The following MRPL43 variants were observed in gnomAD, a reference collection of about 807,000 sequenced individuals.
MRPL43 encodes the protein large ribosomal subunit protein mL43.
In MRPL43, 9 loss-of-function variants were observed where a neutral mutation model predicts 12.7. The observed-to-expected ratio is 0.71, with a 90% confidence interval of 0.43 to 1.24. The LOEUF (loss-of-function observed/expected upper bound fraction) is 1.24, where lower values mean the gene tolerates loss of function less well. MRPL43 is among the 50% of genes most tolerant of loss of function. The probability of loss-of-function intolerance (pLI) is 0.00; values close to 1 mark genes in which losing one functional copy is unlikely to be tolerated. For missense variants in MRPL43, 211 were observed against 229.2 expected, an observed-to-expected ratio of 0.92 and a Z score of 0.51; for synonymous variants, 116 against 96.4, an observed-to-expected ratio of 1.20 and a Z score of -1.19.
rs878856344 is a variant in MRPL43, at chr10:100,987,078, G to A, written c.238+12C>T. On this transcript the variant is annotated intron_variant, in intron 2 of 2. Transcript: ENST00000318364. ...TGATCCCGCCCTCCAGCCCGAGCCC[G>A]GCCCCACTCACGGTATTCGGCCACT... 4 of 1,612,708 alleles carry A rather than the reference G, an allele frequency of 2.5e-6. No homozygotes were observed. The highest frequency in any genetic ancestry group is 1.1e-5 in the South Asian group (1 of 91,076).
At chr10:100,978,295 G>C, downstream of MRPL43, 1 of 1,611,804 alleles carries the variant, frequency 6.2e-7, no homozygotes, top group Non-Finnish European at 8.5e-7. Context: ...TGTTCCCTAG[G>C]ATGCTGAGGC....
chr10:100,977,965 C>T (rs1369779419), downstream of MRPL43: 5 of 575,788 alleles, frequency 8.7e-6, no homozygotes, highest in Non-Finnish European at 1.6e-5. Context: ...ATCACCTCCA[C>T]CTGGCAAACT....
downstream of MRPL43, chr10:100,980,960 G>T: frequency 6.2e-7 from 1 of 1,605,888 alleles, no homozygotes. Context: ...TGCCTGCGCA[G>T]CAGCCACCAC....
At chr10:100,979,818 T>G (rs776111870), downstream of MRPL43, 1 of 1,610,374 alleles carries the variant, frequency 6.2e-7, no homozygotes, top group East Asian at 2.2e-5. Flanking sequence ...TCCATGTAAC[T>G]CACCCCCCTT....
downstream of MRPL43, among the ~76,000 whole-genome samples, chr10:100,986,039 CAA>C (rs1201874302): frequency 6.6e-6 from 1 of 152,134 alleles, no homozygotes; most frequent in African/African-American, 2.4e-5. Flanking sequence ...TATTTCTGCA[CAA>C]AGAGGGACGT....
downstream of MRPL43, chr10:100,979,408 G>C: frequency 6.3e-7 from 1 of 1,580,792 alleles, no homozygotes; most frequent in Non-Finnish European, 8.6e-7. Context: ...TTTTAAGAGG[G>C]AGTCTTGCTC....
chr10:100,983,411 G>T, downstream of MRPL43: 2 of 1,612,882 alleles, frequency 1.2e-6, no homozygotes, highest in Non-Finnish European at 1.7e-6. Flanking sequence ...TACTCAATGG[G>T]AGCATGGGCC....
chr10:100,985,007 T>C (rs1590004294), downstream of MRPL43: 2 of 1,205,552 alleles, frequency 1.7e-6, no homozygotes, highest in Admixed American at 2.9e-5. Context: ...CTTGCTGTCT[T>C]GGACCTGTCT....
At chr10:100,980,254 C>T, downstream of MRPL43, 2 of 1,614,238 alleles carry the variant, frequency 1.2e-6, no homozygotes, top group Non-Finnish European at 1.7e-6. Flanking sequence ...GCCCCTGCTG[C>T]TCAAGCGCAA....
downstream of MRPL43, chr10:100,978,436 G>A: frequency 3.7e-6 from 6 of 1,600,776 alleles, no homozygotes; most frequent in Non-Finnish European, 5.1e-6. Flanking sequence ...TTTAGGATGT[G>A]GATCTCATCT....
In MRPL43 at chr10:100,986,492, G is replaced by A. The variant is rs1851478619; in HGVS notation, c.*242C>T. 3.9e-6 allele frequency: 6 copies of A among 1,549,618 alleles called. No homozygotes were observed. Among genetic ancestry groups the A allele is most frequent in the Non-Finnish European group, 5.2e-6 (6 of 1,146,766 alleles). ...ACAAGGGCCCTGTAAAACCCTTGAA[G>A]TCTTCCTCATCTCAGGTTTTAGGGA... On this transcript the variant is annotated 3_prime_UTR_variant, in exon 3 of 3. Transcript: ENST00000318364.
chr10:100,983,006 C>A (rs12571302), downstream of MRPL43, among the ~76,000 whole-genome samples: 40,371 of 152,052 alleles, frequency 0.27, 6,075 homozygotes, highest in East Asian at 0.54. Flanking sequence ...GAGTCTGGCA[C>A]TCAGGAGAGA....
chr10:100,979,257 G>A (rs374213077), downstream of MRPL43: 27 of 1,614,062 alleles, frequency 1.7e-5, no homozygotes, highest in Non-Finnish European at 2.2e-5. Context: ...CAGCCTTCAC[G>A]CTGAGCACAC....
chr10:100,981,619 ATACT>A, downstream of MRPL43: 2 of 1,544,554 alleles, frequency 1.3e-6, no homozygotes, highest in East Asian at 2.3e-5. Flanking sequence ...ACTGATCTAA[ATACT>A]TCTATGCATG....
chr10:100,984,943 C>A (rs980911684), downstream of MRPL43: 3 of 1,380,040 alleles, frequency 2.2e-6, no homozygotes, highest in South Asian at 1.5e-5. Context: ...TGGTAACACA[C>A]ACCTGTATCA....
chr10:100,978,571 C>T, downstream of MRPL43: 1 of 1,614,162 alleles, frequency 6.2e-7, no homozygotes, highest in East Asian at 2.2e-5. Context: ...CCGGAGCATT[C>T]CTGACATCCG....
At chr10:100,984,200 T>TA, downstream of MRPL43, 1 of 1,527,188 alleles carries the variant, frequency 6.5e-7, no homozygotes, top group South Asian at 1.3e-5. Context: ...ACTGCCTCCC[T>TA]AACACAGCCA....
At position 100,986,789 on chromosome 10, in the gene MRPL43, C is replaced by G; in HGVS notation, c.425G>C (p.Gly142Ala). The G allele has an allele frequency of 1.2e-6, 2 of 1,613,916 alleles. No individual in the cohort carries two copies. The highest frequency in any genetic ancestry group is 1.7e-6 in the Non-Finnish European group (2 of 1,180,036). The change falls in exon 3 of 3, where the codon GGG (glycine) becomes GCG (alanine). Residue 142 changes from glycine (G) to alanine (A), a missense_variant. Physicochemically the swap from Gly to Ala is moderately conservative, Grantham distance 60. Coordinates refer to ENST00000318364, the MANE Select transcript of MRPL43 (RefSeq NM_032112.3). ...ATCCTGAACCTCTCGGGGGCGTAGC[C>G]CGCGGAACGTGGTCGGCTTGTTGGT... is the stretch of plus-strand genomic sequence containing the variant. ...PFTNKPTTFR[G>A]LRPREVQDPA...
chr10:100,979,087 C>T (rs970191301), downstream of MRPL43: 2 of 1,613,476 alleles, frequency 1.2e-6, no homozygotes, highest in Non-Finnish European at 8.5e-7. Context: ...TTATCCCGTG[C>T]CTCTACCTCC....
Sources: allele counts gnomAD v4.1 joint callset (sites outside exome capture counted in the v4.1 genomes callset), GRCh38; gene constraint gnomAD v4.1.1; transcripts MANE v1.5; gene names NCBI Gene and HGNC (gene_info 2026-07-23, HGNC 2026-07-21).